SPATA17: variants seen among roughly 807,000 people sequenced by gnomAD.
SPATA17 encodes spermatogenesis-associated protein 17.
In SPATA17, 53 loss-of-function variants were observed where a neutral mutation model predicts 62.2. The ratio of observed to expected loss-of-function variants is 0.85; its 90% CI spans 0.68 to 1.07. The LOEUF (loss-of-function observed/expected upper bound fraction) is 1.07, where lower values mean the gene tolerates loss of function less well. SPATA17 is among the 50% of genes least tolerant of loss of function. The pLI, the probability that SPATA17 is intolerant of heterozygous loss-of-function variation, is 0.00. For synonymous variants in SPATA17, 146 were observed against 146.8 expected, an observed-to-expected ratio of 0.99 and a Z score of 0.04; for missense variants, 466 against 425.5, an observed-to-expected ratio of 1.10 and a Z score of -0.84.
chr1:217,696,012 G>T (rs1034285329), intron 5 of SPATA17, among the ~76,000 whole-genome samples: 1 of 151,504 alleles, frequency 6.6e-6, no homozygotes, highest in Non-Finnish European at 1.5e-5. Context: ...GAGCTGTGGT[G>T]GGCTCCACCC....
chr1:217,660,699 C>A (rs1440692102), intron 3 of SPATA17, among the ~76,000 whole-genome samples: 1 of 152,166 alleles, frequency 6.6e-6, no homozygotes, highest in African/African-American at 2.4e-5. Flanking sequence ...TTAGATCCAG[C>A]TTGCTCCTTC....
chr1:217,809,398 A>G (rs1303162240), intron 9 of SPATA17, among the ~76,000 whole-genome samples: 2 of 152,154 alleles, frequency 1.3e-5, no homozygotes, highest in African/African-American at 4.8e-5. Context: ...AGACTAAGTA[A>G]TTTATAAAGA....
At chr1:217,797,793 C>T (rs1422656216) in intron 8 of SPATA17, among the ~76,000 whole-genome samples, 2 of 152,094 alleles carry the variant, frequency 1.3e-5, no homozygotes. Flanking sequence ...ATTCCCTTCC[C>T]TTAATACGTC....
At chr1:217,755,352 A>G (rs1020018058) in intron 6 of SPATA17, among the ~76,000 whole-genome samples, 5 of 152,068 alleles carry the variant, frequency 3.3e-5, no homozygotes, top group African/African-American at 1.2e-4. Context: ...AGACAGTAAA[A>G]TAAAAGATGA....
intron 5 of SPATA17, among the ~76,000 whole-genome samples, chr1:217,687,559 A>T (rs543644881): frequency 2.2e-4 from 34 of 152,326 alleles, no homozygotes; most frequent in Non-Finnish European, 4.6e-4. Context: ...CAATACACAA[A>T]TAGTTACAGT....
chr1:217,746,477 T>C (rs1011620297), intron 6 of SPATA17, among the ~76,000 whole-genome samples: 4 of 151,554 alleles, frequency 2.6e-5, no homozygotes, highest in Non-Finnish European at 5.9e-5. Flanking sequence ...AAAACATTAA[T>C]TTTGACAGTG....
At chr1:217,693,178 T>C (rs1339112746) in intron 5 of SPATA17, among the ~76,000 whole-genome samples, 1 of 151,560 alleles carries the variant, frequency 6.6e-6, no homozygotes, top group Non-Finnish European at 1.5e-5. Flanking sequence ...CTCCTGTTAT[T>C]GGTCTATTCA....
At chr1:217,726,557 GAT>G (rs1174845717) in intron 5 of SPATA17, among the ~76,000 whole-genome samples, 4 of 152,150 alleles carry the variant, frequency 2.6e-5, no homozygotes, top group African/African-American at 9.7e-5. Flanking sequence ...CTGATTTTGT[GAT>G]TAAGGAAGAT....
At chr1:217,712,793 T>TAG (rs1299266669) in intron 5 of SPATA17, among the ~76,000 whole-genome samples, 1 of 152,152 alleles carries the variant, frequency 6.6e-6, no homozygotes, top group Non-Finnish European at 1.5e-5. Flanking sequence ...GTGGCTCAAA[T>TAG]AGAGTTACAG....
At chr1:217,766,279 C>T (rs1215301231) in intron 6 of SPATA17, among the ~76,000 whole-genome samples, 1 of 151,778 alleles carries the variant, frequency 6.6e-6, no homozygotes, top group East Asian at 1.9e-4. Context: ...TTTTTCTGTC[C>T]TTTGTGATTT....
intron 7 of SPATA17, among the ~76,000 whole-genome samples, chr1:217,775,866 G>T (rs1424321086): frequency 2.0e-5 from 3 of 151,668 alleles, no homozygotes; most frequent in African/African-American, 4.9e-5. Flanking sequence ...CACTTCTTTG[G>T]CATTAAATCT....
chr1:217,763,459 T>TG (rs1673220375), intron 6 of SPATA17, among the ~76,000 whole-genome samples: 1 of 151,208 alleles, frequency 6.6e-6, no homozygotes, highest in Non-Finnish European at 1.5e-5. Flanking sequence ...ATTGAAGAAA[T>TG]GGAAAAAAAT....
chr1:217,688,915 G>A (rs1234886171), intron 5 of SPATA17, among the ~76,000 whole-genome samples: 2 of 152,098 alleles, frequency 1.3e-5, no homozygotes, highest in African/African-American at 4.8e-5. Flanking sequence ...CTGATATATA[G>A]TAAGTCCAAG....
intron 5 of SPATA17, among the ~76,000 whole-genome samples, chr1:217,689,423 G>A (rs1245521415): frequency 2.6e-5 from 4 of 151,600 alleles, no homozygotes; most frequent in South Asian, 4.2e-4. Context: ...ATGGGGTTTC[G>A]CCATGTTGGC....
At chr1:217,810,243 T>A (rs1177374852) in intron 9 of SPATA17, among the ~76,000 whole-genome samples, 4 of 152,188 alleles carry the variant, frequency 2.6e-5, no homozygotes, top group African/African-American at 9.7e-5. Flanking sequence ...AGAAAAGTAG[T>A]ATATTTTTTA....
rs369823602 is a variant in SPATA17 at position 217,648,988 on chromosome 1, A to G, written c.158+17A>G. On this transcript the variant is annotated intron_variant, in intron 2 of 10. Coordinates refer to ENST00000366933, the MANE Select transcript of SPATA17 (RefSeq NM_138796.4). ...ATATATCAGGTATATTGCTTTTGTC[A>G]TGGAAACCTCAGATATATCATAAAA... is the stretch of plus-strand genomic sequence containing the variant. 2 of 1,542,694 alleles carry G rather than the reference A, an allele frequency of 1.3e-6. No individual in the cohort carries two copies. The highest frequency in any genetic ancestry group is 8.9e-7 in the Non-Finnish European group (1 of 1,128,480).
chr1:217,790,252 G>T (rs1387360380), intron 8 of SPATA17, among the ~76,000 whole-genome samples: 1 of 152,030 alleles, frequency 6.6e-6, no homozygotes, highest in Non-Finnish European at 1.5e-5. Context: ...ATGGTAAAAC[G>T]TTATCTTTAG....
intron 6 of SPATA17, among the ~76,000 whole-genome samples, chr1:217,747,618 A>G (rs1672794702): frequency 6.6e-6 from 1 of 152,180 alleles, no homozygotes; most frequent in Non-Finnish European, 1.5e-5. Flanking sequence ...AAAAAGGTAA[A>G]TAAACATAAA....
At chr1:217,777,453 G>A (rs190547416) in intron 7 of SPATA17, among the ~76,000 whole-genome samples, 14 of 152,160 alleles carry the variant, frequency 9.2e-5, no homozygotes, top group Non-Finnish European at 1.8e-4. Context: ...CCATGCTGGA[G>A]TGCAGTGGAG....
Sources: allele counts gnomAD v4.1 joint callset (sites outside exome capture counted in the v4.1 genomes callset), GRCh38; gene constraint gnomAD v4.1.1; transcripts MANE v1.5; gene names NCBI Gene and HGNC (gene_info 2026-07-23, HGNC 2026-07-21).